Variants in FAM13A observed in about 807,000 individuals in gnomAD.
The protein encoded by FAM13A is family with sequence similarity 13 member A.
In FAM13A, 76 loss-of-function variants were observed where a neutral mutation model predicts 129.6. That is an observed-to-expected ratio of 0.59 (90% CI 0.49 to 0.71). The LOEUF (loss-of-function observed/expected upper bound fraction) is 0.71. Ranked by LOEUF, FAM13A falls within the 30% of genes least tolerant of loss-of-function variation. FAM13A has a pLI of 0.00. For synonymous variants in FAM13A, 443 were observed against 449.9 expected (o/e 0.98, Z 0.20); for missense variants, 1,108 against 1,249.3 (o/e 0.89, Z 1.70).
Position 89,002,316 on chromosome 4 carries a change from T to C in FAM13A, c.428-11166A>G, listed in dbSNP as rs113528984. On this transcript the variant is annotated intron_variant, in intron 3 of 23. Transcript: ENST00000264344. Reference sequence around the variant, plus strand: ...GGCAAGTCCTTCAACACCGCCTGCATCCAGGCAGGCATGTGCTCAGACAGG... The same window carrying C: ...GGCAAGTCCTTCAACACCGCCTGCACCCAGGCAGGCATGTGCTCAGACAGG... Among the ~76,000 whole-genome samples the C allele has an allele frequency of 6.1e-3, 927 of 152,218 alleles. 17 individuals carry two copies. Among genetic ancestry groups the C allele is most frequent in the African/African-American group, 0.021 (861 of 41,532 alleles).
intron 7 of FAM13A, among the ~76,000 whole-genome samples, chr4:88,846,953 C>A (rs1020995128): frequency 6.6e-6 from 1 of 152,090 alleles, no homozygotes; most frequent in Non-Finnish European, 1.5e-5. Flanking sequence ...AATATGATTA[C>A]GTTATGTTAC....
intron 14 of FAM13A, among the ~76,000 whole-genome samples, chr4:88,754,796 A>C (rs1743300176): frequency 1.3e-5 from 2 of 152,234 alleles, no homozygotes; most frequent in Non-Finnish European, 2.9e-5. Context: ...TGTAATCCTT[A>C]CATTTATCTG....
At chr4:88,959,748 C>T (rs1252192167) in intron 4 of FAM13A, among the ~76,000 whole-genome samples, 1 of 152,208 alleles carries the variant, frequency 6.6e-6, no homozygotes, top group Admixed American at 6.5e-5. Flanking sequence ...AGATCTTTTA[C>T]TTAATAACAT....
chr4:88,805,144 T>C lies in FAM13A; in HGVS notation c.1008-92A>G, dbSNP rs138804105. On this transcript the variant is annotated intron_variant, in intron 7 of 23. Transcript: ENST00000264344. ...ATGTTCTACCTGTAAAAAATGTTGA[T>C]TTAGCACATTAAAGCCAATCACATG... The C allele has an allele frequency of 1.2e-4, 87 of 731,460 alleles. No individual in the cohort carries two copies. The East Asian group carries it at 2.4e-3, about 20-fold the overall frequency. The allele number at this position is 731,460 out of a possible 1,614,324, so 45.3% of individuals were successfully genotyped here.
At chr4:88,978,855 C>T (rs1306008690) in intron 4 of FAM13A, among the ~76,000 whole-genome samples, 1 of 151,872 alleles carries the variant, frequency 6.6e-6, no homozygotes, top group Non-Finnish European at 1.5e-5. Context: ...TTAACAAAAT[C>T]TTTAAACTTC....
chr4:88,794,795 A>T (rs187494773), intron 8 of FAM13A, among the ~76,000 whole-genome samples: 29 of 152,000 alleles, frequency 1.9e-4, no homozygotes, highest in African/African-American at 6.3e-4. Flanking sequence ...ACCTAAGGAT[A>T]AAGCTCATGT....
rs185294672 is a variant in FAM13A at position 88,921,650 on chromosome 4, G to T, written c.760-15188C>A. ...AGGAAGAAACTGCATCAACTAACGAGCAAAATAATCAGCTAACATCACAAT... is the reference window on the plus strand; with the variant it reads ...AGGAAGAAACTGCATCAACTAACGATCAAAATAATCAGCTAACATCACAAT... On this transcript the variant is annotated intron_variant, in intron 5 of 23. Coordinates refer to ENST00000264344, the MANE Select transcript of FAM13A (RefSeq NM_014883.4). Among the ~76,000 whole-genome samples, 226 of 152,226 alleles carry T rather than the reference G, an allele frequency of 1.5e-3. 1 individual carries two copies. Among genetic ancestry groups the T allele is most frequent in the African/African-American group, 5.2e-3 (215 of 41,520 alleles).
At chr4:88,848,200 T>C (rs532009318) in intron 7 of FAM13A, among the ~76,000 whole-genome samples, 1 of 152,290 alleles carries the variant, frequency 6.6e-6, no homozygotes, top group South Asian at 2.1e-4. Context: ...ACCTTCTCTC[T>C]CCACCATGCA....
chr4:88,838,640 T>C (rs1735248908), intron 7 of FAM13A, among the ~76,000 whole-genome samples: 1 of 151,326 alleles, frequency 6.6e-6, no homozygotes, highest in East Asian at 1.9e-4. Context: ...GGCAGGAGAA[T>C]GGCGTGAACC....
At chr4:88,924,463 C>G (rs993389634) in intron 5 of FAM13A, among the ~76,000 whole-genome samples, 11 of 152,310 alleles carry the variant, frequency 7.2e-5, no homozygotes, top group African/African-American at 2.6e-4. Flanking sequence ...AAAGGGTTCC[C>G]TATTTAATAA....
intron 10 of FAM13A, among the ~76,000 whole-genome samples, chr4:88,781,877 T>A (rs916977000): frequency 1.5e-4 from 23 of 151,140 alleles, no homozygotes; most frequent in Middle Eastern, 3.2e-3. Flanking sequence ...CATTAGGAGA[T>A]ATACCTAATG....
intron 7 of FAM13A, among the ~76,000 whole-genome samples, chr4:88,826,486 T>C (rs1733014919): frequency 6.6e-6 from 1 of 152,236 alleles, no homozygotes; most frequent in Non-Finnish European, 1.5e-5. Context: ...TAACTAGTTA[T>C]ACTAAAAATT....
chr4:88,827,223 G>T (rs1733155893), intron 7 of FAM13A, among the ~76,000 whole-genome samples: 1 of 152,118 alleles, frequency 6.6e-6, no homozygotes. Flanking sequence ...GGTTCTCTGT[G>T]ATCTTTCTTG....
intron 3 of FAM13A, among the ~76,000 whole-genome samples, chr4:89,001,911 A>G (rs1302612918): frequency 6.6e-6 from 1 of 152,174 alleles, no homozygotes; most frequent in Non-Finnish European, 1.5e-5. Flanking sequence ...TTTCTTAAGA[A>G]AAACAGTTAC....
At chr4:88,757,983 C>T (rs978927514) in intron 14 of FAM13A, among the ~76,000 whole-genome samples, 1 of 152,150 alleles carries the variant, frequency 6.6e-6, no homozygotes, top group Non-Finnish European at 1.5e-5. Flanking sequence ...CCGTCACGCA[C>T]ATACTGTATA....
Position 88,808,580 on chromosome 4 carries a change from A to C in FAM13A, c.1008-3528T>G, listed in dbSNP as rs527275749. ...GAGAATTAATTCTGATTCACTTTTA[A>C]TTTTTAAAAATAAGCACATGTTCTG... On this transcript the variant is annotated intron_variant, in intron 7 of 23. Transcript: ENST00000264344. Among the ~76,000 whole-genome samples, 5 of 152,258 alleles carry C rather than the reference A, an allele frequency of 3.3e-5. No individual in the cohort carries two copies. The East Asian group carries it at 9.6e-4, about 29-fold the overall frequency.
chr4:88,942,402 A>G (rs796429508), intron 4 of FAM13A, among the ~76,000 whole-genome samples: 2 of 152,092 alleles, frequency 1.3e-5, no homozygotes, highest in South Asian at 4.1e-4. Flanking sequence ...CCCCGTCTCT[A>G]CTAAAAATAC....
At chr4:89,035,650 T>C (rs188800980) in intron 1 of FAM13A, among the ~76,000 whole-genome samples, 81 of 152,166 alleles carry the variant, frequency 5.3e-4, no homozygotes, top group Non-Finnish European at 1.0e-4. Context: ...GGGTGGGAGG[T>C]GATTGGATCA....
chr4:89,047,110 T>C lies in FAM13A; in HGVS notation c.27+9828A>G, dbSNP rs185254256. On this transcript the variant is annotated intron_variant, in intron 1 of 23. Transcript: ENST00000264344. ...CAAGTAACAGTGAGCAGGACTCATA[T>C]CTTATACAAAGGGACTGCCAGATAT... Among the ~76,000 whole-genome samples the C allele has an allele frequency of 1.6e-4, 25 of 152,228 alleles. No homozygotes were observed. In the East Asian group the frequency reaches 4.8e-3, roughly 29 times the overall value.
Sources: allele counts gnomAD v4.1 joint callset (sites outside exome capture counted in the v4.1 genomes callset), GRCh38; gene constraint gnomAD v4.1.1; transcripts MANE v1.5; gene names NCBI Gene and HGNC (gene_info 2026-07-23, HGNC 2026-07-21).